Variants in PRKCA observed in about 807,000 individuals in gnomAD.
The protein encoded by PRKCA is protein kinase C alpha, also known as protein kinase C alpha type.
In PRKCA, 27 loss-of-function variants were observed where a neutral mutation model predicts 87.0. The observed-to-expected ratio is 0.31, with a 90% confidence interval of 0.23 to 0.43. PRKCA has a LOEUF of 0.43. Ranked by LOEUF, PRKCA falls within the 20% of genes least tolerant of loss-of-function variation. PRKCA has a pLI of 1.00. For missense variants in PRKCA, 518 were observed against 852.3 expected, an observed-to-expected ratio of 0.61 and a Z score of 4.88; for synonymous variants, 329 against 311.1, an observed-to-expected ratio of 1.06 and a Z score of -0.61.
At chr17:66,621,056 CCTA>C (rs1201318778) in intron 3 of PRKCA, among the ~76,000 whole-genome samples, 4 of 152,188 alleles carry the variant, frequency 2.6e-5, no homozygotes, top group Admixed American at 2.6e-4. Flanking sequence ...AATATTAACT[CCTA>C]ATAGTCTCCC....
At chr17:66,352,558 GTTTTTT>G (rs56317931) in intron 2 of PRKCA, among the ~76,000 whole-genome samples, 1 of 83,758 alleles carries the variant, frequency 1.2e-5, no homozygotes, top group Non-Finnish European at 2.1e-5. Flanking sequence ...GTTTTTTGAG[GTTTTTT>G]TTTTTTTTTT....
At chr17:66,458,295 G>C (rs975716752) in intron 2 of PRKCA, among the ~76,000 whole-genome samples, 4 of 152,086 alleles carry the variant, frequency 2.6e-5, no homozygotes, top group African/African-American at 9.7e-5. Context: ...TTAGGCCATT[G>C]AAATAAAGTT....
At chr17:66,535,860 C>T (rs1011610061) in intron 3 of PRKCA, among the ~76,000 whole-genome samples, 1 of 152,196 alleles carries the variant, frequency 6.6e-6, no homozygotes, top group Non-Finnish European at 1.5e-5. Flanking sequence ...GCCAGACCTC[C>T]AGTTTCCTTT....
chr17:66,453,566 C>T (rs752767212), intron 2 of PRKCA, among the ~76,000 whole-genome samples: 1 of 152,148 alleles, frequency 6.6e-6, no homozygotes, highest in Non-Finnish European at 1.5e-5. Context: ...GATCCGCCCA[C>T]CTCAGCCTCC....
chr17:66,539,598 G>A (rs932831861), intron 3 of PRKCA, among the ~76,000 whole-genome samples: 4 of 152,042 alleles, frequency 2.6e-5, no homozygotes, highest in African/African-American at 9.7e-5. Flanking sequence ...TAGAGATGGG[G>A]TTTCACTGTG....
intron 2 of PRKCA, among the ~76,000 whole-genome samples, chr17:66,429,428 T>C (rs1912986693): frequency 6.6e-6 from 1 of 152,230 alleles, no homozygotes; most frequent in South Asian, 2.1e-4. Context: ...AAACAGAACC[T>C]CAGTCTGTAC....
At chr17:66,666,182 C>T (rs971897038) in intron 5 of PRKCA, among the ~76,000 whole-genome samples, 3 of 152,156 alleles carry the variant, frequency 2.0e-5, no homozygotes, top group Admixed American at 6.5e-5. Context: ...AGCAGAAATC[C>T]GCTTTGGGAG....
intron 3 of PRKCA, among the ~76,000 whole-genome samples, chr17:66,545,880 A>G (rs1968132387): frequency 6.6e-6 from 1 of 152,358 alleles, no homozygotes; most frequent in South Asian, 2.1e-4. Context: ...TAGGAAAAAA[A>G]GTAAATTAGA....
At chr17:66,371,759 G>T (rs1909121441) in intron 2 of PRKCA, among the ~76,000 whole-genome samples, 1 of 152,130 alleles carries the variant, frequency 6.6e-6, no homozygotes. Context: ...GAGCAGGCAG[G>T]GTGCCATCGA....
chr17:66,691,267 T>G (rs1286798908), intron 8 of PRKCA, among the ~76,000 whole-genome samples: 1 of 152,112 alleles, frequency 6.6e-6, no homozygotes, highest in Non-Finnish European at 1.5e-5. Flanking sequence ...AGAGAAAAAA[T>G]AATTTTAAAA....
chr17:66,681,570 C>T (rs1031903008), intron 5 of PRKCA, among the ~76,000 whole-genome samples: 7 of 152,152 alleles, frequency 4.6e-5, no homozygotes, highest in East Asian at 1.9e-4. Flanking sequence ...TAATGCTTTG[C>T]GTATATCAAT....
Position 66,713,481 on chromosome 17 carries a change from G to A in PRKCA, c.919-19207G>A, listed in dbSNP as rs891615480. Among the ~76,000 whole-genome samples, 4 of 152,288 alleles carry A rather than the reference G, an allele frequency of 2.6e-5. No individual in the cohort carries two copies. In the East Asian group the frequency reaches 7.7e-4, roughly 29 times the overall value. On this transcript the variant is annotated intron_variant, in intron 8 of 16. Coordinates refer to ENST00000413366, the MANE Select transcript of PRKCA (RefSeq NM_002737.3). Reference sequence around the variant, plus strand: ...ACTCCCACCTGCAGCAGTGAAGCAAGGCCATCTTGAATTCATTTAAGAACA... The same window carrying A: ...ACTCCCACCTGCAGCAGTGAAGCAAAGCCATCTTGAATTCATTTAAGAACA...
intron 3 of PRKCA, among the ~76,000 whole-genome samples, chr17:66,585,109 C>G (rs951285911): frequency 6.6e-6 from 1 of 151,792 alleles, no homozygotes; most frequent in Non-Finnish European, 1.5e-5. Flanking sequence ...GAGGCGGTGT[C>G]TGATTTACAT....
intron 3 of PRKCA, among the ~76,000 whole-genome samples, chr17:66,625,118 TTC>T (rs1325415903): frequency 6.6e-6 from 1 of 152,248 alleles, no homozygotes; most frequent in Non-Finnish European, 1.5e-5. Flanking sequence ...CTGTGGAAAC[TTC>T]TGTTTGTACA....
chr17:66,665,646 T>A (rs1440611301), intron 5 of PRKCA, among the ~76,000 whole-genome samples: 1 of 152,174 alleles, frequency 6.6e-6, no homozygotes, highest in Non-Finnish European at 1.5e-5. Flanking sequence ...GCTTCCTGAA[T>A]CAGATTCTCT....
chr17:66,762,325 G>A (rs1974704233), intron 13 of PRKCA, among the ~76,000 whole-genome samples: 1 of 152,164 alleles, frequency 6.6e-6, no homozygotes. Context: ...TGTATACTCA[G>A]CTGCAGTAAG....
intron 2 of PRKCA, among the ~76,000 whole-genome samples, chr17:66,478,900 A>G (rs1012166474): frequency 1.3e-5 from 2 of 151,872 alleles, no homozygotes; most frequent in African/African-American, 4.8e-5. Context: ...ATTAAAAACC[A>G]TTTTGGTTTA....
At chr17:66,678,158 TAGAG>T (rs765802999) in intron 5 of PRKCA, among the ~76,000 whole-genome samples, 1 of 152,200 alleles carries the variant, frequency 6.6e-6, no homozygotes, top group Non-Finnish European at 1.5e-5. Context: ...TGTGTATTCT[TAGAG>T]AGGCATAGAG....
intron 2 of PRKCA, among the ~76,000 whole-genome samples, chr17:66,355,012 G>A (rs1440826938): frequency 3.3e-5 from 5 of 152,080 alleles, no homozygotes; most frequent in South Asian, 2.1e-4. Flanking sequence ...ATGAACTCTC[G>A]TTGCTCGAGG....
Sources: gnomAD v4.1 joint callset for allele counts (sites outside exome capture counted in the v4.1 genomes callset) on GRCh38, gnomAD v4.1.1 for gene constraint, MANE v1.5 for transcripts, NCBI Gene and HGNC (gene_info 2026-07-23, HGNC 2026-07-21) for gene names.